Variants in TASP1 observed in about 807,000 individuals in gnomAD.
TASP1 encodes the protein threonine aspartase 1.
TASP1 carries 16 observed loss-of-function variants against 56.6 expected under a neutral mutation model. The ratio of observed to expected loss-of-function variants is 0.28; its 90% CI spans 0.19 to 0.43. The LOEUF is 0.43. Ranked by LOEUF, TASP1 falls within the 20% of genes least tolerant of loss-of-function variation. The pLI is 1.00. For synonymous variants in TASP1, 179 were observed against 184.2 expected (o/e 0.97, Z 0.23); for missense variants, 393 against 511.6 (o/e 0.77, Z 2.24).
chr20:13,538,152 C>T (rs1423513369), intron 8 of TASP1, among the ~76,000 whole-genome samples: 2 of 152,064 alleles, frequency 1.3e-5, no homozygotes, highest in African/African-American at 4.8e-5. Flanking sequence ...AAGGCACCCA[C>T]CACCACACCC....
At chr20:13,341,077 G>C in the TASP1 span, among the ~76,000 whole-genome samples, 25,002 of 152,092 alleles carry the variant, frequency 0.16, 2,711 homozygotes, top group African/African-American at 0.3. Context: ...AACAGGAGCT[G>C]TCAGTTCTAA....
chr20:13,253,690 A>AT, the TASP1 span, among the ~76,000 whole-genome samples: 1 of 152,098 alleles, frequency 6.6e-6, no homozygotes, highest in Non-Finnish European at 1.5e-5. Context: ...TTTCCAGGCG[A>AT]TTCCAACACT....
chr20:13,224,985 A>G, the TASP1 span, among the ~76,000 whole-genome samples: 1 of 150,828 alleles, frequency 6.6e-6, no homozygotes, highest in South Asian at 2.1e-4. Context: ...AGCTGGGACT[A>G]CAGGCGCCTG....
At chr20:13,315,994 G>A in the TASP1 span, among the ~76,000 whole-genome samples, 4 of 151,940 alleles carry the variant, frequency 2.6e-5, no homozygotes, top group Non-Finnish European at 5.9e-5. Flanking sequence ...TGAGGCAAAA[G>A]TAGTGCTTAA....
chr20:13,301,696 A>T, the TASP1 span, among the ~76,000 whole-genome samples: 1 of 151,866 alleles, frequency 6.6e-6, no homozygotes, highest in Non-Finnish European at 1.5e-5. Context: ...TAATGAGGAA[A>T]TTTTTTTTGC....
the TASP1 span, among the ~76,000 whole-genome samples, chr20:13,110,983 A>T: frequency 6.6e-6 from 1 of 152,148 alleles, no homozygotes; most frequent in Non-Finnish European, 1.5e-5. Context: ...TCAGCCCGCT[A>T]ATCTCATTAG....
In TASP1 at chr20:13,559,021, T is replaced by A; in HGVS notation, c.662A>T (p.Gln221Leu). Residue 221 changes from glutamine (Q) to leucine (L), a missense_variant, in exon 8 of 14, where the codon CAA (glutamine) becomes CTA (leucine). Gln to Leu is a moderately radical substitution (Grantham distance 113). Coordinates refer to ENST00000337743, the MANE Select transcript of TASP1 (RefSeq NM_017714.3). The part of the protein sequence containing the change: ...TDFMQLKKRR[Q>L]SSEKENDSGT... ...ACACCACCTGACCTTCTCACTTGAT[T>A]GTCTTCTTTTCTTTAGTTGCATAAA... 6.3e-7 allele frequency: 1 copy of A among 1,588,198 alleles called. No individual in the cohort carries two copies. The highest frequency in any genetic ancestry group is 8.6e-7 in the Non-Finnish European group (1 of 1,167,164).
the TASP1 span, among the ~76,000 whole-genome samples, chr20:13,326,166 G>C: frequency 6.6e-6 from 1 of 152,160 alleles, no homozygotes; most frequent in Non-Finnish European, 1.5e-5. Context: ...TTATTGCTGA[G>C]TAGCATTCCA....
intron 10 of TASP1, among the ~76,000 whole-genome samples, chr20:13,493,685 G>A (rs1173614317): frequency 6.6e-6 from 1 of 152,024 alleles, no homozygotes; most frequent in African/African-American, 2.4e-5. Context: ...GGTCTATCCT[G>A]GGACTTCACC....
At chr20:13,455,662 C>T (rs2043805245) in intron 11 of TASP1, among the ~76,000 whole-genome samples, 1 of 152,068 alleles carries the variant, frequency 6.6e-6, no homozygotes, top group South Asian at 2.1e-4. Context: ...CAGCAGCAGA[C>T]CATCCACATC....
At chr20:13,270,845 A>C in the TASP1 span, 1,528 of 1,108,736 alleles carry the variant, frequency 1.4e-3, no homozygotes, top group Non-Finnish European at 1.8e-3. Flanking sequence ...TTTTCTTCTT[A>C]ACCCCTTAAT....
At chr20:13,541,204 G>A (rs1278696290) in intron 8 of TASP1, among the ~76,000 whole-genome samples, 1 of 152,080 alleles carries the variant, frequency 6.6e-6, no homozygotes, top group African/African-American at 2.4e-5. Context: ...AGAGAAAAAG[G>A]GAAAAAGCCA....
At chr20:13,503,114 T>A (rs1235836932) in intron 10 of TASP1, among the ~76,000 whole-genome samples, 5 of 151,490 alleles carry the variant, frequency 3.3e-5, no homozygotes, top group African/African-American at 1.2e-4. Flanking sequence ...GTTGAGGAGG[T>A]TAGGAGAAGG....
downstream of TASP1, among the ~76,000 whole-genome samples, chr20:13,386,721 G>C (rs182155789): frequency 1.1e-3 from 172 of 152,238 alleles, no homozygotes; most frequent in Middle Eastern, 0.014. Flanking sequence ...AGCCCCGAGA[G>C]ATGTCCTCAT....
chr20:13,357,694 A>G, the TASP1 span, among the ~76,000 whole-genome samples: 1 of 152,226 alleles, frequency 6.6e-6, no homozygotes, highest in African/African-American at 2.4e-5. Flanking sequence ...AAAGACTTAC[A>G]CATGAATATC....
At chr20:13,483,793 C>A (rs1282118944) in intron 10 of TASP1, among the ~76,000 whole-genome samples, 3 of 151,994 alleles carry the variant, frequency 2.0e-5, no homozygotes, top group Non-Finnish European at 4.4e-5. Context: ...GCAACAAAAG[C>A]CAAAATTGAC....
the TASP1 span, among the ~76,000 whole-genome samples, chr20:13,321,379 A>T: frequency 6.6e-6 from 1 of 152,060 alleles, no homozygotes; most frequent in African/African-American, 2.4e-5. Flanking sequence ...AAATTCTTAC[A>T]GCTAGTGTGG....
intron 13 of TASP1, among the ~76,000 whole-genome samples, chr20:13,402,697 T>C (rs1331381442): frequency 1.3e-5 from 2 of 152,252 alleles, no homozygotes; most frequent in Admixed American, 1.3e-4. Flanking sequence ...AATTTGTATC[T>C]AGGTGTTTCC....
the TASP1 span, among the ~76,000 whole-genome samples, chr20:13,215,620 C>T: frequency 2.0e-5 from 3 of 152,252 alleles, no homozygotes; most frequent in Non-Finnish European, 2.9e-5. Flanking sequence ...TCCAAGAAGC[C>T]GGTCCTATTT....
Sources: allele counts gnomAD v4.1 joint callset (sites outside exome capture counted in the v4.1 genomes callset), GRCh38; gene constraint gnomAD v4.1.1; transcripts MANE v1.5; gene names NCBI Gene and HGNC (gene_info 2026-07-23, HGNC 2026-07-21).